ATF7IP: variants seen among roughly 807,000 people sequenced by gnomAD.
ATF7IP encodes the protein activating transcription factor 7 interacting protein, also known as activating transcription factor 7-interacting protein 1.
Under a neutral mutation model 106.4 loss-of-function variants are expected in ATF7IP, and 23 were observed. That is an observed-to-expected ratio of 0.22 (90% CI 0.16 to 0.31). The LOEUF is 0.31. Ranked by LOEUF, ATF7IP falls within the 10% of genes least tolerant of loss-of-function variation. The pLI is 1.00. For missense variants in ATF7IP, 1,334 were observed against 1,524.3 expected, an observed-to-expected ratio of 0.88 and a Z score of 2.08; for synonymous variants, 542 against 539.0, an observed-to-expected ratio of 1.01 and a Z score of -0.08.
At chr12:14,455,715 G>T (rs1421605006) in intron 6 of ATF7IP, among the ~76,000 whole-genome samples, 1 of 151,988 alleles carries the variant, frequency 6.6e-6, no homozygotes, top group Non-Finnish European at 1.5e-5. Context: ...CTCCCAAGAA[G>T]GTGGGACCAC....
At chr12:14,461,276 A>G in intron 9 of ATF7IP, 143 bp downstream of exon 9, 1 of 765,606 alleles carries the variant, frequency 1.3e-6, no homozygotes. Context: ...GTAATTTTTT[A>G]GATACCTGAG....
chr12:14,501,484 A>T lies in ATF7IP; in HGVS notation c.*3411A>T, dbSNP rs1340960715. Reference sequence around the variant, plus strand: ...CTTGTTCTTGCCAAGAAATTTATAAATCACATACGAAGACGTCTGTTGCTA... The same window carrying T: ...CTTGTTCTTGCCAAGAAATTTATAATTCACATACGAAGACGTCTGTTGCTA... On this transcript the variant is annotated 3_prime_UTR_variant, in exon 15 of 15. Coordinates refer to ENST00000261168, the MANE Select transcript of ATF7IP (RefSeq NM_018179.5). 6.6e-6 allele frequency: 1 copy of T among 152,202 alleles called. No individual in the cohort carries two copies. Among genetic ancestry groups the T allele is most frequent in the Non-Finnish European group, 1.5e-5 (1 of 68,026 alleles). 9.4% of individuals were successfully genotyped at this position (152,202 alleles called of 1,614,324 possible). A position where few individuals can be genotyped will look rare whatever the true frequency, so the allele number is the denominator to read the frequency against.
intron 1 of ATF7IP, among the ~76,000 whole-genome samples, chr12:14,397,695 A>T (rs1939927893): frequency 6.6e-6 from 1 of 150,830 alleles, no homozygotes; most frequent in African/African-American, 2.4e-5. Flanking sequence ...AGCTCATTAA[A>T]ATTTTCTTAT....
At chr12:14,375,629 C>G (rs1020125821) in intron 1 of ATF7IP, among the ~76,000 whole-genome samples, 1 of 152,048 alleles carries the variant, frequency 6.6e-6, no homozygotes, top group Non-Finnish European at 1.5e-5. Flanking sequence ...GTGGAAAGAA[C>G]AGTAGTTTTG....
At chr12:14,398,916 T>A (rs1940024380) in intron 1 of ATF7IP, among the ~76,000 whole-genome samples, 1 of 152,158 alleles carries the variant, frequency 6.6e-6, no homozygotes, top group Non-Finnish European at 1.5e-5. Context: ...TCGTTTATAG[T>A]GCATAGCTAA....
chr12:14,386,952 T>G (rs1297210864), intron 1 of ATF7IP, among the ~76,000 whole-genome samples: 1 of 152,126 alleles, frequency 6.6e-6, no homozygotes, highest in Non-Finnish European at 1.5e-5. Context: ...CTCAGCCTTG[T>G]GTTTATATTT....
At chr12:14,385,968 A>G (rs536451217) in intron 1 of ATF7IP, among the ~76,000 whole-genome samples, 1 of 152,170 alleles carries the variant, frequency 6.6e-6, no homozygotes, top group South Asian at 2.1e-4. Flanking sequence ...CAACTCTTTG[A>G]CATTTTTAAT....
intron 12 of ATF7IP, among the ~76,000 whole-genome samples, chr12:14,479,572 T>A (rs968617566): frequency 6.6e-6 from 1 of 152,164 alleles, no homozygotes; most frequent in African/African-American, 2.4e-5. Context: ...AATCAGGATG[T>A]TTTCCATAGT....
intron 1 of ATF7IP, among the ~76,000 whole-genome samples, chr12:14,368,947 A>G (rs1267245091): frequency 6.6e-6 from 1 of 150,538 alleles, no homozygotes; most frequent in Non-Finnish European, 1.5e-5. Flanking sequence ...AGTAAAATGT[A>G]CTGCCCCCCT....
chr12:14,483,090 T>C (rs1944479910), intron 13 of ATF7IP, among the ~76,000 whole-genome samples: 1 of 152,362 alleles, frequency 6.6e-6, no homozygotes, highest in Admixed American at 6.5e-5. Flanking sequence ...AGTTGGCAAC[T>C]GGTCACATGG....
chr12:14,431,123 T>C (rs1182318063), intron 2 of ATF7IP, among the ~76,000 whole-genome samples: 1 of 152,242 alleles, frequency 6.6e-6, no homozygotes, highest in African/African-American at 2.4e-5. Context: ...TTTCTACCTT[T>C]ACTTAATGGA....
intron 1 of ATF7IP, among the ~76,000 whole-genome samples, chr12:14,412,409 TGA>T (rs2136503942): frequency 6.6e-6 from 1 of 152,316 alleles, no homozygotes; most frequent in Non-Finnish European, 1.5e-5. Context: ...TTTTGATTCA[TGA>T]GTATGGAACG....
intron 10 of ATF7IP, among the ~76,000 whole-genome samples, chr12:14,469,625 A>G (rs1943965098): frequency 6.6e-6 from 1 of 152,176 alleles, no homozygotes; most frequent in African/African-American, 2.4e-5. Flanking sequence ...AAGCTATAAA[A>G]TAGTGTTGCT....
intron 1 of ATF7IP, among the ~76,000 whole-genome samples, chr12:14,422,966 A>G (rs935229220): frequency 2.0e-5 from 3 of 152,186 alleles, no homozygotes; most frequent in African/African-American, 7.2e-5. Context: ...ATATTGTGGA[A>G]CTGCCTGTTT....
chr12:14,475,638 A>G (rs1944235669), intron 10 of ATF7IP, among the ~76,000 whole-genome samples: 2 of 152,216 alleles, frequency 1.3e-5, no homozygotes. Flanking sequence ...TCTATGCAAC[A>G]GATAGCTTAG....
chr12:14,488,743 A>C (rs1200601448), intron 13 of ATF7IP, among the ~76,000 whole-genome samples: 2 of 152,216 alleles, frequency 1.3e-5, no homozygotes, highest in Non-Finnish European at 2.9e-5. Flanking sequence ...ACTTATGCCT[A>C]ACATAATACA....
intron 1 of ATF7IP, among the ~76,000 whole-genome samples, chr12:14,387,740 A>G (rs1211202205): frequency 1.3e-5 from 2 of 152,202 alleles, no homozygotes; most frequent in Non-Finnish European, 2.9e-5. Flanking sequence ...TTTCTGTTCC[A>G]AGTTCCAGTT....
At chr12:14,443,517 C>T (rs1259783806) in intron 5 of ATF7IP, among the ~76,000 whole-genome samples, 2 of 152,148 alleles carry the variant, frequency 1.3e-5, no homozygotes, top group African/African-American at 4.8e-5. Flanking sequence ...TCAGTACATG[C>T]CAAATCAGGA....
chr12:14,389,195 T>TATAAC (rs1237283925), intron 1 of ATF7IP, among the ~76,000 whole-genome samples: 2 of 152,244 alleles, frequency 1.3e-5, no homozygotes, highest in African/African-American at 4.8e-5. Context: ...AAATTTCTTA[T>TATAAC]ATAACTCATG....
Sources: gnomAD v4.1 joint callset for allele counts (sites outside exome capture counted in the v4.1 genomes callset) on GRCh38, gnomAD v4.1.1 for gene constraint, MANE v1.5 for transcripts, NCBI Gene and HGNC (gene_info 2026-07-23, HGNC 2026-07-21) for gene names.